INVS: variants seen among roughly 807,000 people sequenced by gnomAD.
INVS encodes inversion of embryo turning homolog.
A neutral mutation model predicts 108.8 loss-of-function variants in INVS; 86 were observed. The observed-to-expected ratio is 0.79, with a 90% CI of 0.66 to 0.95. INVS has a LOEUF of 0.95. Ranked by LOEUF, INVS falls within the 40% of genes least tolerant of loss-of-function variation. INVS has a pLI of 0.00. For synonymous variants in INVS, 455 were observed against 473.5 expected (o/e 0.96, Z 0.51); for missense variants, 1,169 against 1,297.4 (o/e 0.90, Z 1.52).
chr9:100,202,097 T>A (rs1379429604), intron 3 of INVS, among the ~76,000 whole-genome samples: 1 of 152,044 alleles, frequency 6.6e-6, no homozygotes, highest in East Asian at 1.9e-4. Flanking sequence ...CAATAGTTTT[T>A]TTTTTTTTAT....
At chr9:100,139,257 A>C (rs1168767460) in intron 3 of INVS, among the ~76,000 whole-genome samples, 7 of 151,942 alleles carry the variant, frequency 4.6e-5, no homozygotes, top group Non-Finnish European at 7.4e-5. Context: ...TCATTTCAGA[A>C]TTTTCTCTGG....
chr9:100,180,674 A>G (rs542770942), intron 3 of INVS, among the ~76,000 whole-genome samples: 19 of 152,274 alleles, frequency 1.2e-4, no homozygotes, highest in African/African-American at 3.4e-4. Flanking sequence ...GACCAGACAG[A>G]TTCACAGTTG....
chr9:100,103,425 G>A (rs1167111030), intron 1 of INVS, among the ~76,000 whole-genome samples: 3 of 151,474 alleles, frequency 2.0e-5, no homozygotes, highest in Admixed American at 6.6e-5. Flanking sequence ...TCAGGAGTTC[G>A]AGACCAGCCT....
At chr9:100,203,734 C>T (rs944085246) in intron 3 of INVS, among the ~76,000 whole-genome samples, 1 of 151,972 alleles carries the variant, frequency 6.6e-6, no homozygotes, top group African/African-American at 2.4e-5. Flanking sequence ...AACTCCTGAC[C>T]TCAGGTGATC....
At chr9:100,262,845 C>T (rs1029523726) in intron 10 of INVS, among the ~76,000 whole-genome samples, 3 of 152,044 alleles carry the variant, frequency 2.0e-5, no homozygotes, top group African/African-American at 4.8e-5. Context: ...TTCCCAGGCT[C>T]GGGTGATCAT....
intron 2 of INVS, chr9:100,117,614 C>G (rs1314518564): frequency 7.8e-6 from 5 of 641,320 alleles, no homozygotes; most frequent in Middle Eastern, 4.1e-4. Flanking sequence ...CCCCCGCCCC[C>G]CCCGCCCACC....
chr9:100,256,724 T>C (rs1392624258), intron 10 of INVS, among the ~76,000 whole-genome samples: 2 of 152,154 alleles, frequency 1.3e-5, no homozygotes, highest in Non-Finnish European at 2.9e-5. Context: ...AGTTGAGTGG[T>C]TTTGAGTGAG....
chr9:100,159,353 A>C (rs534726830), intron 3 of INVS, among the ~76,000 whole-genome samples: 2 of 152,362 alleles, frequency 1.3e-5, no homozygotes, highest in East Asian at 3.9e-4. Context: ...TATTCTGCAG[A>C]GATAACCAAG....
intron 3 of INVS, chr9:100,175,644 G>C: frequency 1.5e-6 from 1 of 658,082 alleles, no homozygotes; most frequent in Non-Finnish European, 2.9e-6. Flanking sequence ...GACTCCAAAG[G>C]CCTGAGCACC....
intron 8 of INVS, among the ~76,000 whole-genome samples, chr9:100,247,780 C>T (rs1415973418): frequency 4.6e-5 from 7 of 152,048 alleles, no homozygotes. Context: ...AAGTATTTCT[C>T]TATGAAAGCC....
chr9:100,178,958 G>C (rs1314345166), intron 3 of INVS, among the ~76,000 whole-genome samples: 1 of 152,204 alleles, frequency 6.6e-6, no homozygotes, highest in East Asian at 1.9e-4. Flanking sequence ...AACCCTACAA[G>C]CCAGAAGAGA....
intron 3 of INVS, among the ~76,000 whole-genome samples, chr9:100,193,123 A>G (rs1295476149): frequency 1.3e-5 from 2 of 151,934 alleles, no homozygotes; most frequent in African/African-American, 4.8e-5. Context: ...TACTACAGGC[A>G]TGTGCCACCA....
At chr9:100,293,165 A>T in intron 14 of INVS, 122 bp downstream of exon 14, 1 of 835,146 alleles carries the variant, frequency 1.2e-6, no homozygotes, top group Non-Finnish European at 2.0e-6. Flanking sequence ...GGCCAATTTT[A>T]TAGAGCCTAC....
At chr9:100,181,102 A>G (rs1188325642) in intron 3 of INVS, among the ~76,000 whole-genome samples, 1 of 152,122 alleles carries the variant, frequency 6.6e-6, no homozygotes, top group Non-Finnish European at 1.5e-5. Context: ...AAACTCTCAA[A>G]AAACTAGGTA....
chr9:100,280,305 T>C lies in INVS; in HGVS notation c.1785-4015T>C, dbSNP rs149387283. ...CAGCTGATAGTCTGGAAACTCCTCT[T>C]CACCCTGTGGAGCACAGGACCTGAA... On this transcript the variant is annotated intron_variant, in intron 12 of 16. Transcript: ENST00000262457. Among the ~76,000 whole-genome samples the C allele has an allele frequency of 3.5e-4, 53 of 152,314 alleles. No individual in the cohort carries two copies. In the East Asian group the frequency reaches 9.6e-3, roughly 28 times the overall value.
chr9:100,164,720 G>A (rs1379049384), intron 3 of INVS, among the ~76,000 whole-genome samples: 2 of 151,974 alleles, frequency 1.3e-5, no homozygotes, highest in African/African-American at 4.8e-5. Flanking sequence ...ATCATAAAAT[G>A]GCCAATTGAT....
chr9:100,287,005 A>G (rs1381663089), intron 13 of INVS, among the ~76,000 whole-genome samples: 3 of 152,222 alleles, frequency 2.0e-5, no homozygotes, highest in Non-Finnish European at 2.9e-5. Context: ...ACACAAAAAC[A>G]AAGTGACTTT....
At position 100,292,711 on chromosome 9, in the gene INVS, G is replaced by A. The variant is rs115937161; in HGVS notation, c.2454G>A (p.Ala818=). Residue 818 remains alanine, a synonymous_variant, in exon 14 of 17, where the codon GCG becomes GCA. Coordinates refer to ENST00000262457, the MANE Select transcript of INVS (RefSeq NM_014425.5). ...GCCCTGGCAGTGCCCGGGGGGAGGCGGTCCATGCTGGGCAGAATCCTCCCC... is the reference window on the plus strand; with the variant it reads ...GCCCTGGCAGTGCCCGGGGGGAGGCAGTCCATGCTGGGCAGAATCCTCCCC... ...SSRPGSARGE[A]VHAGQNPPHH... is the part of the protein sequence containing the mutation. 227 of 1,614,088 alleles carry A rather than the reference G, an allele frequency of 1.4e-4. No individual in the cohort carries two copies. The African/African-American group carries it at 2.4e-3, about 17-fold the overall frequency.
At chr9:100,167,514 A>G (rs1313700854) in intron 3 of INVS, among the ~76,000 whole-genome samples, 1 of 152,104 alleles carries the variant, frequency 6.6e-6, no homozygotes, top group Non-Finnish European at 1.5e-5. Context: ...TATTCAAGTC[A>G]CTGTCTCAGT....
Sources: gnomAD v4.1 joint callset for allele counts (sites outside exome capture counted in the v4.1 genomes callset) on GRCh38, gnomAD v4.1.1 for gene constraint, MANE v1.5 for transcripts, NCBI Gene and HGNC (gene_info 2026-07-23, HGNC 2026-07-21) for gene names.